KCNK1: variants seen among roughly 807,000 people sequenced by gnomAD.
KCNK1 encodes potassium channel subfamily K member 1.
In KCNK1, 10 loss-of-function variants were observed where a neutral mutation model predicts 22.2. That is an observed-to-expected ratio of 0.45 (90% CI 0.28 to 0.76). The LOEUF is 0.76. Ranked by LOEUF, KCNK1 falls within the 30% of genes least tolerant of loss-of-function variation. The pLI is 0.14. For missense variants in KCNK1, 378 were observed against 421.0 expected, an observed-to-expected ratio of 0.90 and a Z score of 0.89; for synonymous variants, 200 against 186.4, an observed-to-expected ratio of 1.07 and a Z score of -0.60.
chr1:233,614,326 T>A lies in KCNK1; in HGVS notation c.155T>A (p.Leu52Gln). The change falls in exon 1 of 3, where the codon CTG becomes CAG. Residue 52 changes from leucine to glutamine, a missense_variant. Leu to Gln is a moderately radical substitution (Grantham distance 113, BLOSUM62 -2). Coordinates refer to ENST00000366621, the MANE Select transcript of KCNK1 (RefSeq NM_002245.4). ...SSVELPYEDL[L>Q]RQELRKLKRR... ...GTGGAGCTGCCCTATGAGGACCTGC[T>A]GCGCCAGGAGCTGCGCAAGCTGAAG... 6.2e-7 allele frequency: 1 copy of A among 1,612,142 alleles called. No individual in the cohort carries two copies. Among genetic ancestry groups the A allele is most frequent in the Non-Finnish European group, 8.5e-7 (1 of 1,179,270 alleles).
chr1:233,622,051 C>G (rs1306826255), intron 1 of KCNK1, among the ~76,000 whole-genome samples: 1 of 152,198 alleles, frequency 6.6e-6, no homozygotes, highest in Admixed American at 6.5e-5. Flanking sequence ...ACTGTAAGTC[C>G]TATCAAGAAC....
At chr1:233,618,964 T>C (rs1170429681) in intron 1 of KCNK1, among the ~76,000 whole-genome samples, 2 of 152,224 alleles carry the variant, frequency 1.3e-5, no homozygotes, top group African/African-American at 4.8e-5. Context: ...TTAGTACCTT[T>C]TGCTGCTTTG....
intron 1 of KCNK1, among the ~76,000 whole-genome samples, chr1:233,647,393 T>G (rs1658117886): frequency 6.6e-6 from 1 of 152,270 alleles, no homozygotes; most frequent in South Asian, 2.1e-4. Flanking sequence ...TTGAAGAAAC[T>G]TAGGGTGAAA....
At chr1:233,660,902 G>T in intron 1 of KCNK1, among the ~76,000 whole-genome samples, 1 of 152,246 alleles carries the variant, frequency 6.6e-6, no homozygotes, top group Middle Eastern at 3.4e-3. Flanking sequence ...TAATATATCT[G>T]GATTGGTAGA....
intron 1 of KCNK1, among the ~76,000 whole-genome samples, chr1:233,618,831 C>G (rs1657529499): frequency 1.3e-5 from 2 of 151,946 alleles, no homozygotes; most frequent in Non-Finnish European, 2.9e-5. Flanking sequence ...TTGCAGTGAG[C>G]CAAGATTGCA....
At chr1:233,625,719 A>G (rs540312916) in intron 1 of KCNK1, among the ~76,000 whole-genome samples, 29 of 152,296 alleles carry the variant, frequency 1.9e-4, no homozygotes, top group Middle Eastern at 3.4e-3. Flanking sequence ...CCAGGATCGT[A>G]GTCTTCCATA....
chr1:233,644,376 G>A (rs2102897257), intron 1 of KCNK1, among the ~76,000 whole-genome samples: 1 of 152,316 alleles, frequency 6.6e-6, no homozygotes, highest in Admixed American at 6.5e-5. Context: ...TATTCGTTAA[G>A]CACATACTTC....
chr1:233,644,441 TC>T (rs1289163481), intron 1 of KCNK1, among the ~76,000 whole-genome samples: 3 of 152,192 alleles, frequency 2.0e-5, no homozygotes, highest in African/African-American at 7.2e-5. Context: ...ACAAACAAGT[TC>T]CCTGTCCCCA....
rs777534841 is a variant in KCNK1, at chr1:233,666,903, T to G, written c.664T>G (p.Ser222Ala). The G allele has an allele frequency of 1.2e-6, 2 of 1,614,164 alleles. No homozygotes were observed. The highest frequency in any genetic ancestry group is 1.7e-6 in the Non-Finnish European group (2 of 1,180,002). Residue 222 changes from serine (S) to alanine (A), a missense_variant, in exon 2 of 3, where the codon TCC (serine) becomes GCC (alanine). Ser to Ala is a moderately conservative substitution (Grantham distance 99). Transcript: ENST00000366621. ...FLESFYFCFISLSTIGLGDYV... is the reference protein window; with the variant it reads ...FLESFYFCFIALSTIGLGDYV... ...GGAATCCTTTTATTTTTGTTTTATT[T>G]CCCTGAGCACCATTGGCCTGGGGGA...
intron 1 of KCNK1, among the ~76,000 whole-genome samples, chr1:233,660,315 A>C (rs1201753283): frequency 2.6e-5 from 4 of 152,310 alleles, no homozygotes; most frequent in African/African-American, 9.6e-5. Context: ...GGATTCCTTG[A>C]GAGTTATCGT....
At chr1:233,664,936 C>T (rs1658464058) in intron 1 of KCNK1, among the ~76,000 whole-genome samples, 1 of 152,158 alleles carries the variant, frequency 6.6e-6, no homozygotes, top group South Asian at 2.1e-4. Flanking sequence ...CCTGAATTGA[C>T]TTGTTCAGAC....
At chr1:233,618,820 G>A (rs548003996) in intron 1 of KCNK1, among the ~76,000 whole-genome samples, 2 of 152,014 alleles carry the variant, frequency 1.3e-5, no homozygotes, top group African/African-American at 4.8e-5. Context: ...GGAGGCGGAG[G>A]TTGCAGTGAG....
intron 1 of KCNK1, among the ~76,000 whole-genome samples, chr1:233,639,901 C>G (rs976671938): frequency 2.0e-4 from 30 of 152,216 alleles, no homozygotes; most frequent in Non-Finnish European, 4.3e-4. Context: ...CTTCCCATGC[C>G]TGTTTCCTGC....
intron 2 of KCNK1, among the ~76,000 whole-genome samples, chr1:233,670,822 G>A (rs1373103760): frequency 1.3e-5 from 2 of 152,092 alleles, no homozygotes; most frequent in East Asian, 1.9e-4. Context: ...TAAGAGTATT[G>A]AGTGCTTAAA....
chr1:233,656,031 G>A (rs1264527527), intron 1 of KCNK1, among the ~76,000 whole-genome samples: 1 of 152,158 alleles, frequency 6.6e-6, no homozygotes, highest in African/African-American at 2.4e-5. Context: ...CAAGTCCCTA[G>A]GAAAGGATGC....
chr1:233,666,766 A>G lies in KCNK1; in HGVS notation c.527A>G (p.Lys176Arg), dbSNP rs758650218. ...TTCCACATCCGCTGGGGCTTCTCCA[A>G]GCAGGTGGTGGCCATCGTCCATGCC... is the stretch of plus-strand genomic sequence containing the variant. ...LYFHIRWGFS[K>R]QVVAIVHAVL... The change falls in exon 2 of 3, where the codon AAG (lysine) becomes AGG (arginine). Residue 176 changes from lysine to arginine, a missense_variant. By Grantham distance (26) the Lys-to-Arg change is conservative. Coordinates refer to ENST00000366621, the MANE Select transcript of KCNK1 (RefSeq NM_002245.4). The G allele has an allele frequency of 6.2e-7, 1 of 1,614,142 alleles. No homozygotes were observed. The highest frequency in any genetic ancestry group is 1.3e-5 in the African/African-American group (1 of 75,040).
chr1:233,657,351 A>G (rs1558118054), intron 1 of KCNK1, among the ~76,000 whole-genome samples: 1 of 152,190 alleles, frequency 6.6e-6, no homozygotes, highest in Non-Finnish European at 1.5e-5. Context: ...GGAAAGCTGT[A>G]TTAAAATTGG....
intron 1 of KCNK1, among the ~76,000 whole-genome samples, chr1:233,623,665 T>G (rs1310641504): frequency 6.6e-6 from 1 of 152,268 alleles, no homozygotes; most frequent in Non-Finnish European, 1.5e-5. Flanking sequence ...CTCAGATCGC[T>G]GCAACCTCCA....
At chr1:233,629,335 T>G (rs1657748609) in intron 1 of KCNK1, among the ~76,000 whole-genome samples, 1 of 152,004 alleles carries the variant, frequency 6.6e-6, no homozygotes, top group Non-Finnish European at 1.5e-5. Flanking sequence ...CGCACTGAGA[T>G]AAACAGGCAG....
Sources: allele counts gnomAD v4.1 joint callset (sites outside exome capture counted in the v4.1 genomes callset), GRCh38; gene constraint gnomAD v4.1.1; transcripts MANE v1.5; gene names NCBI Gene and HGNC (gene_info 2026-07-23, HGNC 2026-07-21).